The following ADCY2 variants were observed in gnomAD, a reference collection of about 807,000 sequenced individuals.
ADCY2 encodes the protein adenylate cyclase 2, also known as adenylate cyclase type 2.
In ADCY2, 31 loss-of-function variants were observed where a neutral mutation model predicts 125.2. The observed-to-expected ratio is 0.25, with a 90% confidence interval of 0.19 to 0.33. The LOEUF (loss-of-function observed/expected upper bound fraction) is 0.33, where lower values mean the gene tolerates loss of function less well. Ranked by LOEUF, ADCY2 falls within the 10% of genes least tolerant of loss-of-function variation. ADCY2 has a pLI of 1.00. For synonymous variants in ADCY2, 512 were observed against 548.4 expected, an observed-to-expected ratio of 0.93 and a Z score of 0.93; for missense variants, 904 against 1,418.2, an observed-to-expected ratio of 0.64 and a Z score of 5.82.
intron 4 of ADCY2, among the ~76,000 whole-genome samples, chr5:7,642,219 G>C (rs571686312): frequency 6.6e-6 from 1 of 152,150 alleles, no homozygotes; most frequent in South Asian, 2.1e-4. Flanking sequence ...TAGTTATTCT[G>C]ACTGGTGTGA....
At chr5:7,488,216 TATAA>T (rs1449623395) in intron 2 of ADCY2, among the ~76,000 whole-genome samples, 3 of 152,110 alleles carry the variant, frequency 2.0e-5, no homozygotes, top group Non-Finnish European at 4.4e-5. Flanking sequence ...CTGATGGTTT[TATAA>T]ATAGAGTTCC....
intron 2 of ADCY2, among the ~76,000 whole-genome samples, chr5:7,520,359 G>A (rs1162763194): frequency 1.3e-5 from 2 of 152,056 alleles, no homozygotes; most frequent in South Asian, 2.1e-4. Context: ...CCCCGTCCCC[G>A]ATGATGCCTG....
intron 8 of ADCY2, 102 bp downstream of exon 8, chr5:7,707,004 T>C (rs1223492856): frequency 1.4e-6 from 2 of 1,432,336 alleles, no homozygotes; most frequent in Non-Finnish European, 1.9e-6. Context: ...ATCACTTCTG[T>C]TGCCTCTGTT....
chr5:7,779,303 T>G (rs1236340010), intron 18 of ADCY2, among the ~76,000 whole-genome samples: 2 of 152,212 alleles, frequency 1.3e-5, no homozygotes, highest in Admixed American at 1.3e-4. Context: ...AAACTCGATA[T>G]TTAGGCTCTT....
At chr5:7,500,218 T>C (rs1743511511) in intron 2 of ADCY2, among the ~76,000 whole-genome samples, 1 of 152,098 alleles carries the variant, frequency 6.6e-6, no homozygotes, top group African/African-American at 2.4e-5. Flanking sequence ...TAATCATGAG[T>C]CCACACTGAA....
chr5:7,626,155 C>A lies in ADCY2; in HGVS notation c.571-12C>A. The A allele has an allele frequency of 6.2e-7, 1 of 1,608,140 alleles. No homozygotes were observed. The highest frequency in any genetic ancestry group is 8.5e-7 in the Non-Finnish European group (1 of 1,178,278). On this transcript the variant is annotated splice_polypyrimidine_tract_variant and intron_variant, in intron 3 of 24. Transcript: ENST00000338316. ...CAGTTACCCTATTGAGCAGCTCTTTCTGTCTCTTTAGATCCTGGCCAATGT... is the reference window on the plus strand; with the variant it reads ...CAGTTACCCTATTGAGCAGCTCTTTATGTCTCTTTAGATCCTGGCCAATGT...
chr5:7,795,660 G>C (rs1361346196), intron 20 of ADCY2: 1 of 152,230 alleles, frequency 6.6e-6, no homozygotes, highest in East Asian at 1.9e-4. Context: ...TGCTCTGTGA[G>C]TCTTCTGGAA....
At chr5:7,447,731 A>G (rs1256114990) in intron 2 of ADCY2, among the ~76,000 whole-genome samples, 1 of 152,142 alleles carries the variant, frequency 6.6e-6, no homozygotes, top group Non-Finnish European at 1.5e-5. Flanking sequence ...GATCTTGCAG[A>G]TGAGGGGCTT....
rs1048208419 is a variant in ADCY2 at position 7,769,495 on chromosome 5, T to C, written c.2214+2689T>C. 2.6e-5 allele frequency among the ~76,000 whole-genome samples: 4 copies of C among 152,204 alleles called. 1 individual carries two copies. The highest frequency in any genetic ancestry group is 9.6e-5 in the African/African-American group (4 of 41,462). On this transcript the variant is annotated intron_variant, in intron 17 of 24. Coordinates refer to ENST00000338316, the MANE Select transcript of ADCY2 (RefSeq NM_020546.3). ...GCAAGAAAAAGGCTGGAAACACCTA[T>C]ACAAATAATGAATAGTGGCTAAAGT...
At chr5:7,614,738 G>A (rs575482674) in intron 3 of ADCY2, among the ~76,000 whole-genome samples, 1 of 152,330 alleles carries the variant, frequency 6.6e-6, no homozygotes. Context: ...AGGGCAAGAG[G>A]AGAATGAGGT....
intron 21 of ADCY2, 117 bp from the exon 22 acceptor site, chr5:7,804,468 G>T (rs1744698515): frequency 1.0e-5 from 8 of 797,338 alleles, no homozygotes; most frequent in Admixed American, 2.0e-5. Context: ...TGCATACGCA[G>T]TGGTTGAAAC....
chr5:7,699,205 C>G (rs1216981974), intron 7 of ADCY2, among the ~76,000 whole-genome samples: 2 of 144,804 alleles, frequency 1.4e-5, no homozygotes, highest in African/African-American at 5.1e-5. Flanking sequence ...TCACGCCATT[C>G]TCCTGCCTCA....
rs564681718 is a variant in ADCY2, at chr5:7,581,107, T to C, written c.571-45060T>C. 3.3e-5 allele frequency among the ~76,000 whole-genome samples: 5 copies of C among 152,302 alleles called. No individual in the cohort carries two copies. In the South Asian group the frequency reaches 1.0e-3, roughly 32 times the overall value. ...CAGACTGAGTTGAAATGATGGAAAG[T>C]TGGATTGCCAGGAAAGAAGAACAAC... On this transcript the variant is annotated intron_variant, in intron 3 of 24. Transcript: ENST00000338316.
chr5:7,723,131 G>T (rs780750740), intron 12 of ADCY2, among the ~76,000 whole-genome samples: 5 of 151,962 alleles, frequency 3.3e-5, no homozygotes, highest in East Asian at 1.9e-4. Flanking sequence ...AATGACACAC[G>T]CTGGGGCCTG....
chr5:7,723,920 C>CAAAAGAAAAAAAAAA (rs1741847012), intron 12 of ADCY2, among the ~76,000 whole-genome samples: 1 of 53,728 alleles, frequency 1.9e-5, no homozygotes, highest in Non-Finnish European at 3.1e-5. Flanking sequence ...GACTCAGTCT[C>CAAAAGAAAAAAAAAA]AAAAAAAAAA....
chr5:7,704,863 G>A (rs939545201), intron 7 of ADCY2, among the ~76,000 whole-genome samples: 17 of 149,202 alleles, frequency 1.1e-4, no homozygotes, highest in African/African-American at 4.0e-4. Context: ...GGGTGACAGA[G>A]TGAGACTCCA....
intron 14 of ADCY2, among the ~76,000 whole-genome samples, chr5:7,729,909 G>T (rs1742048089): frequency 6.6e-6 from 1 of 150,956 alleles, no homozygotes; most frequent in African/African-American, 2.4e-5. Flanking sequence ...AATATCTTTT[G>T]GGATAGAAGT....
intron 7 of ADCY2, among the ~76,000 whole-genome samples, chr5:7,699,301 T>G (rs936581308): frequency 1.3e-5 from 2 of 150,184 alleles, no homozygotes; most frequent in Admixed American, 6.6e-5. Flanking sequence ...GTTTCACCGT[T>G]TTAGCCGGGA....
At chr5:7,763,245 C>T (rs989668268) in intron 16 of ADCY2, among the ~76,000 whole-genome samples, 1 of 151,814 alleles carries the variant, frequency 6.6e-6, no homozygotes, top group African/African-American at 2.4e-5. Flanking sequence ...CGCCCGCCAC[C>T]ACGCCCGGCC....
Sources: allele counts gnomAD v4.1 joint callset (sites outside exome capture counted in the v4.1 genomes callset), GRCh38; gene constraint gnomAD v4.1.1; transcripts MANE v1.5; gene names NCBI Gene and HGNC (gene_info 2026-07-23, HGNC 2026-07-21).